Variants in TRAF5 observed in about 807,000 individuals in gnomAD.
TRAF5 encodes TNF receptor associated factor 5.
TRAF5 carries 48 observed loss-of-function variants against 64.5 expected under a neutral mutation model. The ratio of observed to expected loss-of-function variants is 0.74; its 90% confidence interval spans 0.59 to 0.95. TRAF5 has a LOEUF of 0.95. Ranked by LOEUF, TRAF5 falls within the 40% of genes least tolerant of loss-of-function variation. The pLI is 0.00. For synonymous variants in TRAF5, 206 were observed against 240.5 expected (o/e 0.86, Z 1.33); for missense variants, 545 against 662.8 (o/e 0.82, Z 1.95).
chr1:211,366,411 G>A (rs1034457206), intron 8 of TRAF5, among the ~76,000 whole-genome samples: 1 of 152,162 alleles, frequency 6.6e-6, no homozygotes, highest in Non-Finnish European at 1.5e-5. Context: ...TGTATGTCAG[G>A]TACAATGTTT....
At chr1:211,362,810 A>G (rs1329120743) in intron 7 of TRAF5, among the ~76,000 whole-genome samples, 1 of 152,244 alleles carries the variant, frequency 6.6e-6, no homozygotes, top group Non-Finnish European at 1.5e-5. Context: ...AAAAAATACC[A>G]TAAAGTCAAA....
intron 1 of TRAF5, among the ~76,000 whole-genome samples, chr1:211,335,135 A>G (rs977556476): frequency 9.9e-5 from 15 of 152,188 alleles, no homozygotes; most frequent in Admixed American, 5.2e-4. Flanking sequence ...TCCTTTATCT[A>G]AGGCAGTGAG....
intron 1 of TRAF5, among the ~76,000 whole-genome samples, chr1:211,332,417 G>A (rs550094105): frequency 4.5e-4 from 68 of 152,238 alleles, no homozygotes; most frequent in African/African-American, 1.4e-3. Context: ...GCTTAGAACA[G>A]CCAGGCTGTG....
At chr1:211,360,146 G>A in intron 5 of TRAF5, 70 bp downstream of exon 5, 1 of 1,459,856 alleles carries the variant, frequency 6.8e-7, no homozygotes, top group Non-Finnish European at 9.5e-7. Flanking sequence ...CAGTGAATCA[G>A]GTGGAATGCC....
chr1:211,350,138 C>T (rs1378107719), intron 1 of TRAF5, among the ~76,000 whole-genome samples: 10 of 151,750 alleles, frequency 6.6e-5, no homozygotes, highest in Middle Eastern at 3.5e-3. Context: ...TGCTTACCTA[C>T]CACCCTTGAA....
At position 211,372,607 on chromosome 1, in the gene TRAF5, C is replaced by G; in HGVS notation, c.1579C>G (p.His527Asp). The G allele has an allele frequency of 6.2e-7, 1 of 1,614,134 alleles. No homozygotes were observed. Among genetic ancestry groups the G allele is most frequent in the Non-Finnish European group, 8.5e-7 (1 of 1,180,022 alleles). ...IASGCPRFVA[H>D]SVLENAKNAY... ...ATCTGGCTGTCCCCGCTTTGTGGCT[C>G]ATTCTGTTTTGGAGAATGCCAAGAA... is the stretch of plus-strand genomic sequence containing the variant. Residue 527 changes from histidine to aspartate, a missense_variant, in exon 11 of 11, where the codon CAT becomes GAT. Transcript: ENST00000261464.
At chr1:211,331,079 G>A (rs942729047) in intron 1 of TRAF5, among the ~76,000 whole-genome samples, 1 of 152,154 alleles carries the variant, frequency 6.6e-6, no homozygotes, top group Non-Finnish European at 1.5e-5. Context: ...TGCAGAAATC[G>A]CTGCTGTTCC....
chr1:211,364,921 C>T (rs1429932873), intron 7 of TRAF5, among the ~76,000 whole-genome samples: 1 of 151,938 alleles, frequency 6.6e-6, no homozygotes, highest in Non-Finnish European at 1.5e-5. Context: ...ACCTGTAATC[C>T]CAGCACTTTG....
intron 1 of TRAF5, among the ~76,000 whole-genome samples, chr1:211,349,210 A>C (rs1464582969): frequency 3.3e-5 from 5 of 152,146 alleles, no homozygotes; most frequent in African/African-American, 1.2e-4. Flanking sequence ...CCTGTCTCTG[A>C]AAAGAAAGAA....
intron 1 of TRAF5, among the ~76,000 whole-genome samples, chr1:211,341,038 G>A (rs1702436024): frequency 6.6e-6 from 1 of 152,156 alleles, no homozygotes; most frequent in Non-Finnish European, 1.5e-5. Context: ...GGTCAGGAAG[G>A]GGGAAGGGGG....
At chr1:211,332,686 G>A (rs1009632497) in intron 1 of TRAF5, among the ~76,000 whole-genome samples, 3 of 152,144 alleles carry the variant, frequency 2.0e-5, no homozygotes, top group African/African-American at 7.2e-5. Flanking sequence ...AAAACATTGG[G>A]TGGAGTTATT....
intron 1 of TRAF5, among the ~76,000 whole-genome samples, chr1:211,327,113 C>G (rs1395173860): frequency 1.3e-5 from 2 of 152,008 alleles, no homozygotes; most frequent in Non-Finnish European, 2.9e-5. Context: ...TGACCGCCGA[C>G]GGCCCGGGGA....
chr1:211,358,821 CATATA>C (rs1011401976), intron 4 of TRAF5: 1 of 88,026 alleles, frequency 1.1e-5, no homozygotes, highest in African/African-American at 4.1e-5. Context: ...TTATATATTA[CATATA>C]ATATATTAAA....
chr1:211,354,583 A>G, intron 3 of TRAF5, 116 bp downstream of exon 3: 1 of 1,038,900 alleles, frequency 9.6e-7, no homozygotes, highest in Non-Finnish European at 1.4e-6. Flanking sequence ...CTTGGAGTCC[A>G]TATTCTTCTG....
At chr1:211,358,009 CT>C (rs1703023975) in intron 4 of TRAF5, 1 of 152,186 alleles carries the variant, frequency 6.6e-6, no homozygotes, top group African/African-American at 2.4e-5. Context: ...TCCAATAAAA[CT>C]TTAATTATAA....
chr1:211,326,672 G>A (rs909887353), upstream of TRAF5: 1 of 985,966 alleles, frequency 1.0e-6, no homozygotes, highest in Middle Eastern at 5.2e-4. This position sits in a 1 kb window ranked among gnomAD's most constrained non-coding sequence, Gnocchi z 5.0. Context: ...GTTCTGAAGC[G>A]GGTAGGTTAG....
At chr1:211,348,403 CAA>C (rs1702680037) in intron 1 of TRAF5, among the ~76,000 whole-genome samples, 1 of 152,032 alleles carries the variant, frequency 6.6e-6, no homozygotes, top group Admixed American at 6.6e-5. Flanking sequence ...TTTGCGTAAA[CAA>C]AAACTCTTAG....
chr1:211,364,149 G>A (rs1049061236), intron 7 of TRAF5, among the ~76,000 whole-genome samples: 1 of 152,016 alleles, frequency 6.6e-6, no homozygotes, highest in Non-Finnish European at 1.5e-5. Flanking sequence ...GGATCACCTT[G>A]AACACCTAAC....
chr1:211,326,707 C>T, upstream of TRAF5: 1 of 986,126 alleles, frequency 1.0e-6, no homozygotes, highest in Non-Finnish European at 1.2e-6. This position sits in a 1 kb window ranked among gnomAD's most constrained non-coding sequence, Gnocchi z 5.0. Flanking sequence ...GGATGACGGT[C>T]TCAGCCTCCT....
Sources: gnomAD v4.1 joint callset for allele counts (sites outside exome capture counted in the v4.1 genomes callset) on GRCh38, gnomAD v4.1.1 for gene constraint, Gnocchi (gnomAD v3.1) non-coding constraint, MANE v1.5 for transcripts, NCBI Gene and HGNC (gene_info 2026-07-23, HGNC 2026-07-21) for gene names.